Variants in CFAP43 observed in about 807,000 individuals in gnomAD.
CFAP43 encodes cilia and flagella associated protein 43, also known as cilia- and flagella-associated protein 43.
In CFAP43, 155 loss-of-function variants were observed where a neutral mutation model predicts 218.9. The observed-to-expected ratio is 0.71, with a 90% CI of 0.62 to 0.81. The LOEUF (loss-of-function observed/expected upper bound fraction) is 0.81, where lower values mean the gene tolerates loss of function less well. Ranked by LOEUF, CFAP43 falls within the 30% of genes least tolerant of loss-of-function variation. The pLI is 0.00. For synonymous variants in CFAP43, 645 were observed against 681.3 expected (o/e 0.95, Z 0.83); for missense variants, 1,778 against 1,954.3 (o/e 0.91, Z 1.70).
chr10:104,229,925 C>G (rs2091406153), intron 2 of CFAP43, among the ~76,000 whole-genome samples: 1 of 152,092 alleles, frequency 6.6e-6, no homozygotes, highest in South Asian at 2.1e-4. Context: ...CTGAAAAAGG[C>G]AATAGTCTTC....
chr10:104,141,642 T>G (rs1288481212), intron 33 of CFAP43, among the ~76,000 whole-genome samples: 1 of 152,152 alleles, frequency 6.6e-6, no homozygotes, highest in Admixed American at 6.6e-5. Context: ...AAAATAACTC[T>G]ATTAAAATTC....
chr10:104,155,596 A>G (rs1446063611), intron 27 of CFAP43, among the ~76,000 whole-genome samples: 1 of 152,164 alleles, frequency 6.6e-6, no homozygotes, highest in Non-Finnish European at 1.5e-5. Context: ...GATAAGTACT[A>G]TGGAGAACCA....
intron 4 of CFAP43, among the ~76,000 whole-genome samples, 193 bp from the exon 5 acceptor site, chr10:104,212,350 A>C (rs1262707892): frequency 6.6e-6 from 1 of 152,256 alleles, no homozygotes; most frequent in African/African-American, 2.4e-5. Context: ...TTTTAAATTA[A>C]GTACTGAGGG....
At chr10:104,214,507 C>T in intron 3 of CFAP43, 81 bp from the exon 4 acceptor site, 1 of 1,202,042 alleles carries the variant, frequency 8.3e-7, no homozygotes, top group Non-Finnish European at 1.1e-6. Context: ...TTTTAATTTA[C>T]ATAAATTGGG....
At chr10:104,229,323 C>T (rs1268848418) in intron 2 of CFAP43, among the ~76,000 whole-genome samples, 1 of 152,070 alleles carries the variant, frequency 6.6e-6, no homozygotes, top group Non-Finnish European at 1.5e-5. Context: ...CTCCAGCAGA[C>T]GTGCAGCAGC....
rs1470836763 is a variant in CFAP43, at chr10:104,133,791, A to G, written c.4432-7T>C. 6.3e-7 allele frequency: 1 copy of G among 1,598,580 alleles called. No homozygotes were observed. The highest frequency in any genetic ancestry group is 1.8e-5 in the Admixed American group (1 of 56,992). The stretch of plus-strand genomic sequence containing the variant: ...CTTTCTTTTGTCCTTGAGTCTTTAA[A>G]AAAGTACATTAGATATCCATATAAT... On this transcript the variant is annotated splice_polypyrimidine_tract_variant and splice_region_variant and intron_variant, in intron 34 of 37. Transcript: ENST00000357060.
chr10:104,154,964 G>C (rs1052621806), intron 27 of CFAP43, among the ~76,000 whole-genome samples: 1 of 152,208 alleles, frequency 6.6e-6, no homozygotes, highest in Non-Finnish European at 1.5e-5. Context: ...ATGATTTCTG[G>C]AGGGGGCGCT....
In CFAP43 at chr10:104,232,341, C is replaced by T. The variant is rs1331991033; in HGVS notation, c.-95G>A. The T allele has an allele frequency of 4.6e-6, 6 of 1,291,770 alleles. No homozygotes were observed. Among genetic ancestry groups the T allele is most frequent in the East Asian group, 2.7e-5 (1 of 37,334 alleles). 80.0% of individuals were successfully genotyped at this position (1,291,770 alleles called of 1,614,324 possible). A position where few individuals can be genotyped will look rare whatever the true frequency, so the allele number is the denominator to read the frequency against. ...GCCGCCGCGGGGCTGCGGGCCGCGA[C>T]GCCGCTGCTGTGTACACCCGTATCC... On this transcript the variant is annotated 5_prime_UTR_variant, in exon 1 of 38. Coordinates refer to ENST00000357060, the MANE Select transcript of CFAP43 (RefSeq NM_025145.7).
In CFAP43 at chr10:104,152,563, C is replaced by T. The variant is rs1240509579; in HGVS notation, c.3660+44G>A. ...TTCATCCTAAGAACCATGGAAGGGC[C>T]CTGCAAGCTCCTTAAAAGTCACATA... is the stretch of plus-strand genomic sequence containing the variant. On this transcript the variant is annotated intron_variant, in intron 28 of 37. Coordinates refer to ENST00000357060, the MANE Select transcript of CFAP43 (RefSeq NM_025145.7). 3 of 1,607,820 alleles carry T rather than the reference C, an allele frequency of 1.9e-6. No homozygotes were observed. In the African/African-American group the frequency reaches 4.0e-5, roughly 22 times the overall value.
chr10:104,133,490 A>T, intron 35 of CFAP43, 130 bp downstream of exon 35: 4 of 974,590 alleles, frequency 4.1e-6, no homozygotes, highest in Non-Finnish European at 5.8e-6. Flanking sequence ...TAACTCACAG[A>T]TATATTTTGA....
rs1421766907 is a variant in CFAP43 at position 104,217,011 on chromosome 10, T to C, written c.417-2585A>G. ...ACCCTAGGCTCTTCTTGAGGTGTTCTTACTTACATTTCACACTTTGGCTAT... is the reference window on the plus strand; with the variant it reads ...ACCCTAGGCTCTTCTTGAGGTGTTCCTACTTACATTTCACACTTTGGCTAT... On this transcript the variant is annotated intron_variant, in intron 3 of 37. Transcript: ENST00000357060. Among the ~76,000 whole-genome samples the C allele has an allele frequency of 2.0e-5, 3 of 152,244 alleles. No homozygotes were observed. In the East Asian group the frequency reaches 5.8e-4, roughly 29 times the overall value.
chr10:104,173,328 A>G (rs535624947), intron 19 of CFAP43, among the ~76,000 whole-genome samples: 24 of 152,366 alleles, frequency 1.6e-4, no homozygotes, highest in Non-Finnish European at 3.2e-4. Flanking sequence ...CATGAAAACT[A>G]TAACAACTGA....
At chr10:104,186,144 C>G in intron 14 of CFAP43, 21 bp from the exon 15 acceptor site, 1 of 1,462,712 alleles carries the variant, frequency 6.8e-7, no homozygotes, top group African/African-American at 1.4e-5. Context: ...AAGAAAATAA[C>G]CACATTATAG....
At chr10:104,137,516 A>C (rs1393203326) in intron 34 of CFAP43, among the ~76,000 whole-genome samples, 3 of 152,092 alleles carry the variant, frequency 2.0e-5, no homozygotes, top group African/African-American at 7.2e-5. Context: ...GATGATAAAA[A>C]ATGTTCTGAG....
intron 14 of CFAP43, 49 bp from the exon 15 acceptor site, chr10:104,186,172 G>C (rs1255403901): frequency 7.1e-7 from 1 of 1,410,078 alleles, no homozygotes; most frequent in Non-Finnish European, 9.3e-7. Context: ...CAGGTAAACA[G>C]CACCTTTGGG....
chr10:104,230,782 G>C lies in CFAP43; in HGVS notation c.127C>G (p.Pro43Ala). 1.9e-6 allele frequency: 3 copies of C among 1,613,854 alleles called. No individual in the cohort carries two copies. Among genetic ancestry groups the C allele is most frequent in the Non-Finnish European group, 2.5e-6 (3 of 1,179,950 alleles). ...HFVNDNTICY[P>A]CGNYVIFINI... ...ATAAATATTACATAATTCCCACAAGGGTAGCAAATGGTGTTGTCGTTGACA... is the reference window on the plus strand; with the variant it reads ...ATAAATATTACATAATTCCCACAAGCGTAGCAAATGGTGTTGTCGTTGACA... The change falls in exon 2 of 38, where the codon CCT becomes GCT. Residue 43 changes from proline (P) to alanine (A), a missense_variant. This residue lies in a region of CFAP43 where 1,553 missense variants were observed against 1,685.2 expected (regional missense o/e 0.92). Coordinates refer to ENST00000357060, the MANE Select transcript of CFAP43 (RefSeq NM_025145.7).
chr10:104,202,821 T>G (rs2090571826), intron 8 of CFAP43, among the ~76,000 whole-genome samples: 1 of 151,688 alleles, frequency 6.6e-6, no homozygotes, highest in Admixed American at 6.6e-5. Context: ...TAGCATAGTT[T>G]TTTTTTTTTT....
chr10:104,195,845 G>C (rs2090367518), intron 10 of CFAP43, among the ~76,000 whole-genome samples: 1 of 152,162 alleles, frequency 6.6e-6, no homozygotes, highest in African/African-American at 2.4e-5. Flanking sequence ...CGCCCTCCTG[G>C]AAAATCTCTT....
At position 104,197,990 on chromosome 10, in the gene CFAP43, C is replaced by A. The variant is rs140377075; in HGVS notation, c.1144G>T (p.Val382Phe). ...TFGKEPTLNK[V>F]LDACDGKFQA... The stretch of plus-strand genomic sequence containing the variant: ...AATTTCCCATCACAAGCATCTAGGA[C>A]TTTATTTAAGGTTGGCTCCTTACCA... The change falls in exon 9 of 38, where the codon GTC (valine) becomes TTC (phenylalanine). Residue 382 changes from valine to phenylalanine, a missense_variant. Coordinates refer to ENST00000357060, the MANE Select transcript of CFAP43 (RefSeq NM_025145.7). 6 of 1,613,672 alleles carry A rather than the reference C, an allele frequency of 3.7e-6. 2 individuals carry two copies. In the African/African-American group the frequency reaches 8.0e-5, roughly 22 times the overall value.
Sources: allele counts gnomAD v4.1 joint callset (sites outside exome capture counted in the v4.1 genomes callset), GRCh38; gene constraint gnomAD v4.1.1; regional missense constraint gnomAD v4.1.1; transcripts MANE v1.5; gene names NCBI Gene and HGNC (gene_info 2026-07-23, HGNC 2026-07-21).